Variants in PIK3R6 observed in about 807,000 individuals in gnomAD.
PIK3R6 encodes phosphoinositide-3-kinase regulatory subunit 6, also known as phosphoinositide 3-kinase regulatory subunit 6.
In PIK3R6, 91 loss-of-function variants were observed where a neutral mutation model predicts 84.9. The observed-to-expected ratio is 1.07, with a 90% CI of 0.90 to 1.28. The LOEUF (loss-of-function observed/expected upper bound fraction) is 1.28, where lower values mean the gene tolerates loss of function less well. PIK3R6 is among the 50% of genes most tolerant of loss of function. The pLI, the probability that PIK3R6 is intolerant of heterozygous loss-of-function variation, is 0.00. For missense variants in PIK3R6, 996 were observed against 985.1 expected, an observed-to-expected ratio of 1.01 and a Z score of -0.15; for synonymous variants, 416 against 411.4, an observed-to-expected ratio of 1.01 and a Z score of -0.13.
chr17:8,862,787 A>T lies in PIK3R6; in HGVS notation c.-92+4742T>A, dbSNP rs930236138. ...CAGCAATACACCATCCTCCGCCCAC[A>T]GTCAGCAAGACTCCTGGCAGCCAAA... On this transcript the variant is annotated intron_variant, in intron 1 of 19. Coordinates refer to ENST00000619866, the MANE Select transcript of PIK3R6 (RefSeq NM_001010855.4). This position sits in a 1 kb window ranked among gnomAD's most constrained non-coding sequence, Gnocchi z 4.3. 6.6e-6 allele frequency among the ~76,000 whole-genome samples: 1 copy of T among 152,174 alleles called. No individual in the cohort carries two copies. The highest frequency in any genetic ancestry group is 1.5e-5 in the Non-Finnish European group (1 of 68,036).
Position 8,819,116 on chromosome 17 carries a change from G to C in PIK3R6, c.1962C>G (p.Val654=). The C allele has an allele frequency of 6.2e-7, 1 of 1,608,482 alleles. No homozygotes were observed. ...ACTTTCCCGCCAAGTTGGAGGACTT[G>C]ACAACCTCTGTCACGTTGACATTCA... is the stretch of plus-strand genomic sequence containing the variant. ...TCLNVNVTEV[V]KSSNLAGKSF... is the part of the protein sequence containing the mutation. Residue 654 remains valine, a synonymous_variant, in exon 18 of 20, where the codon GTC becomes GTG. Coordinates refer to ENST00000619866, the MANE Select transcript of PIK3R6 (RefSeq NM_001010855.4).
rs112750429 is a variant in PIK3R6, at chr17:8,814,215, C to CTTTTTTTTTTTTTTTTTTTTT, written c.1995+4847_1995+4867dup. Reference sequence around the variant, plus strand: ...TCCACTCTTTAGTTCAGAGAGAGATCTTTTTTTTTTTTTTTTTTTTTTGAG... The same window carrying CTTTTTTTTTTTTTTTTTTTTT: ...TCCACTCTTTAGTTCAGAGAGAGATCTTTTTTTTTTTTTTTTTTTTTTTTTTTTTTTTTTTTTTTTTTTGAG... On this transcript the variant is annotated intron_variant, in intron 18 of 19. Coordinates refer to ENST00000619866, the MANE Select transcript of PIK3R6 (RefSeq NM_001010855.4). 3.5e-5 allele frequency among the ~76,000 whole-genome samples: 3 copies of CTTTTTTTTTTTTTTTTTTTTT among 85,520 alleles called. 1 individual carries two copies. Among genetic ancestry groups the CTTTTTTTTTTTTTTTTTTTTT allele is most frequent in the African/African-American group, 1.5e-4 (3 of 20,576 alleles). The allele number at this position is 85,520 out of a possible 152,430, so 56.1% of individuals were successfully genotyped here. A position where few individuals can be genotyped will look rare whatever the true frequency, so the allele number is the denominator to read the frequency against.
intron 13 of PIK3R6, among the ~76,000 whole-genome samples, chr17:8,824,890 C>T (rs1368969750): frequency 6.6e-6 from 1 of 152,162 alleles, no homozygotes; most frequent in Admixed American, 6.5e-5. Flanking sequence ...AAGACACCCT[C>T]ATCAGTCAAA....
chr17:8,848,812 T>C (rs1406232075), intron 2 of PIK3R6, among the ~76,000 whole-genome samples: 3 of 152,108 alleles, frequency 2.0e-5, no homozygotes, highest in African/African-American at 4.8e-5. Flanking sequence ...CTACTTCTGA[T>C]TGGACGAGGC....
intron 8 of PIK3R6, 21 bp downstream of exon 8, chr17:8,835,252 G>A: frequency 6.7e-7 from 1 of 1,499,088 alleles, no homozygotes; most frequent in Non-Finnish European, 9.0e-7. Context: ...ACTGACAAGG[G>A]GCTGCAGGCA....
chr17:8,833,695 C>A (rs190480002), intron 8 of PIK3R6, among the ~76,000 whole-genome samples: 113 of 151,996 alleles, frequency 7.4e-4, no homozygotes, highest in Admixed American at 7.3e-3. Flanking sequence ...GTGCGCACCA[C>A]CACATCCAGC....
chr17:8,822,962 G>T (rs760494890), intron 15 of PIK3R6, 34 bp downstream of exon 15: 2 of 1,513,062 alleles, frequency 1.3e-6, no homozygotes, highest in South Asian at 2.2e-5. Context: ...GCTGAGTCAG[G>T]GTGACCTTTG....
chr17:8,832,960 C>T lies in PIK3R6; in HGVS notation c.731G>A (p.Arg244Gln), dbSNP rs746604059. 5 of 1,612,644 alleles carry T rather than the reference C, an allele frequency of 3.1e-6. No individual in the cohort carries two copies. Among genetic ancestry groups the T allele is most frequent in the Non-Finnish European group, 4.2e-6 (5 of 1,179,756 alleles). ...CTCCAGCCTCTCTACGTGTCCCTCC[C>T]GGCTCGGGCTGGCCTCGCTGGCCAT... is the stretch of plus-strand genomic sequence containing the variant. ...EQMASEASPSREGHVERLEEI... is the reference protein window; with the variant it reads ...EQMASEASPSQEGHVERLEEI... The change falls in exon 9 of 20, where the codon CGG (arginine) becomes CAG (glutamine). Residue 244 changes from arginine to glutamine, a missense_variant. Arg to Gln is a conservative substitution (Grantham distance 43). Transcript: ENST00000619866.
chr17:8,809,610 C>T lies in PIK3R6; in HGVS notation c.1996-5457G>A, dbSNP rs146156558. Among the ~76,000 whole-genome samples the T allele has an allele frequency of 6.6e-3, 999 of 152,134 alleles. 8 individuals are homozygous for T. Among genetic ancestry groups the T allele is most frequent in the Non-Finnish European group, 0.011 (754 of 68,014 alleles). The stretch of plus-strand genomic sequence containing the variant: ...AGGAATTTGAGACTAGCCTGGGCAA[C>T]GTAGTGAAACCTCTTCTCTACAAAA... On this transcript the variant is annotated intron_variant, in intron 18 of 19. Transcript: ENST00000619866.
intron 1 of PIK3R6, among the ~76,000 whole-genome samples, chr17:8,852,553 C>G (rs900810117): frequency 6.6e-6 from 1 of 152,064 alleles, no homozygotes. Context: ...GCCTGACCAA[C>G]GTGGTGAAAC....
At chr17:8,835,858 T>C (rs2088438930) in intron 7 of PIK3R6, among the ~76,000 whole-genome samples, 1 of 152,072 alleles carries the variant, frequency 6.6e-6, no homozygotes, top group African/African-American at 2.4e-5. Context: ...CTTTCATCAC[T>C]CTTATCACAC....
At position 8,803,691 on chromosome 17, in the gene PIK3R6, A is replaced by C; in HGVS notation, c.2109-262T>G. 1 of 545,844 alleles carries C rather than the reference A, an allele frequency of 1.8e-6. No individual in the cohort carries two copies. The highest frequency in any genetic ancestry group is 2.4e-5 in the South Asian group (1 of 42,166). 33.8% of individuals were successfully genotyped at this position (545,844 alleles called of 1,614,324 possible). On this transcript the variant is annotated intron_variant, in intron 19 of 19. Transcript: ENST00000619866. This position sits in a 1 kb window ranked among gnomAD's most constrained non-coding sequence, Gnocchi z 5.0. ...ACACACCTCCCGAGGGGAAGCCAGT[A>C]AGGGTCAGCTAACTGGAACACAGAT...
intron 13 of PIK3R6, 73 bp downstream of exon 13, chr17:8,827,099 C>G: frequency 1.3e-6 from 2 of 1,530,896 alleles, no homozygotes; most frequent in Middle Eastern, 1.8e-4. Context: ...TACTTGGGCT[C>G]CTCCGTTCTC....
At chr17:8,811,670 T>TAAC (rs150526249) in intron 18 of PIK3R6, among the ~76,000 whole-genome samples, 6,187 of 148,042 alleles carry the variant, frequency 0.042, 963 homozygotes, top group African/African-American at 0.14. Flanking sequence ...TGCTAAAATA[T>TAAC]AAGAGTCACC....
chr17:8,827,297 G>A lies in PIK3R6; in HGVS notation c.1393-3C>T. ...GGCTGCCTGGATGCTGCAGGCTTCT[G>A]GGGGAAAGGGGATGGGGCAGACCCG... On this transcript the variant is annotated splice_polypyrimidine_tract_variant and splice_region_variant and intron_variant, in intron 12 of 19. Coordinates refer to ENST00000619866, the MANE Select transcript of PIK3R6 (RefSeq NM_001010855.4). 6.4e-7 allele frequency: 1 copy of A among 1,551,490 alleles called. No homozygotes were observed. The highest frequency in any genetic ancestry group is 1.4e-5 in the African/African-American group (1 of 73,234).
At chr17:8,810,011 A>G (rs924418112) in intron 18 of PIK3R6, among the ~76,000 whole-genome samples, 3 of 152,180 alleles carry the variant, frequency 2.0e-5, no homozygotes, top group African/African-American at 7.2e-5. Context: ...CCTAAATACT[A>G]CTAGATCAAA....
chr17:8,807,202 C>T (rs1597373509), intron 18 of PIK3R6, among the ~76,000 whole-genome samples: 3 of 152,178 alleles, frequency 2.0e-5, no homozygotes, highest in African/African-American at 7.2e-5. Flanking sequence ...CCAATCAGAA[C>T]TCTCCTACAG....
intron 12 of PIK3R6, 27 bp downstream of exon 12, chr17:8,828,085 G>T (rs1202440303): frequency 6.2e-7 from 1 of 1,609,544 alleles, no homozygotes. Context: ...TCTCTGCCCC[G>T]CCACCGCCTC....
At chr17:8,858,968 A>G (rs1355603131) in intron 1 of PIK3R6, among the ~76,000 whole-genome samples, 1 of 152,246 alleles carries the variant, frequency 6.6e-6, no homozygotes, top group Non-Finnish European at 1.5e-5. Flanking sequence ...TGTTGGCTGC[A>G]GCCCTGCCTG....
Sources: allele counts gnomAD v4.1 joint callset (sites outside exome capture counted in the v4.1 genomes callset), GRCh38; gene constraint gnomAD v4.1.1; non-coding constraint Gnocchi (gnomAD v3.1); transcripts MANE v1.5; gene names NCBI Gene and HGNC (gene_info 2026-07-23, HGNC 2026-07-21).